COL5A2: variants seen among roughly 807,000 people sequenced by gnomAD.
The protein encoded by COL5A2 is collagen type V alpha 2 chain.
A neutral mutation model predicts 208.2 loss-of-function variants in COL5A2; 23 were observed. The ratio of observed to expected loss-of-function variants is 0.11; its 90% CI spans 0.08 to 0.16. COL5A2 has a LOEUF of 0.16. Ranked by LOEUF, COL5A2 falls within the 10% of genes least tolerant of loss-of-function variation. COL5A2 has a pLI of 1.00. For missense variants in COL5A2, 1,590 were observed against 1,956.4 expected, an observed-to-expected ratio of 0.81 and a Z score of 3.53; for synonymous variants, 625 against 628.5, an observed-to-expected ratio of 0.99 and a Z score of 0.08.
chr2:189,224,763 C>T (rs1215208168), intron 1 of COL5A2, among the ~76,000 whole-genome samples: 2 of 151,922 alleles, frequency 1.3e-5, no homozygotes, highest in African/African-American at 4.8e-5. Flanking sequence ...CTAAGCATGA[C>T]ATAAGTTTTT....
chr2:189,277,310 C>G, the COL5A2 span, among the ~76,000 whole-genome samples: 54 of 152,048 alleles, frequency 3.6e-4, 1 homozygote, highest in Admixed American at 1.5e-3. Flanking sequence ...TCAAAATGTT[C>G]TTAACATGAC....
the COL5A2 span, among the ~76,000 whole-genome samples, chr2:189,299,949 C>G: frequency 6.6e-6 from 1 of 152,124 alleles, no homozygotes; most frequent in Non-Finnish European, 1.5e-5. Flanking sequence ...TAAGGATGCC[C>G]TCTATGGCCT....
the COL5A2 span, among the ~76,000 whole-genome samples, chr2:189,387,076 A>G: frequency 2.6e-5 from 4 of 152,200 alleles, no homozygotes; most frequent in African/African-American, 9.6e-5. Context: ...GGTGCCCATC[A>G]ATGGTGGACT....
chr2:189,142,005 G>C (rs910618805), intron 1 of COL5A2, among the ~76,000 whole-genome samples: 3 of 152,032 alleles, frequency 2.0e-5, no homozygotes, highest in African/African-American at 7.2e-5. Flanking sequence ...CCTATGGTGA[G>C]AGATAATATA....
chr2:189,348,071 C>G, the COL5A2 span, among the ~76,000 whole-genome samples: 1 of 151,856 alleles, frequency 6.6e-6, no homozygotes, highest in East Asian at 1.9e-4. Flanking sequence ...GTCCAACAAC[C>G]AAAGGAGGGT....
intron 50 of COL5A2, 127 bp from the exon 51 acceptor site, chr2:189,039,690 G>A (rs1685518402): frequency 6.9e-6 from 6 of 873,512 alleles, no homozygotes; most frequent in South Asian, 3.5e-5. Flanking sequence ...TCTATGACTC[G>A]CGCCCTTTTG....
the COL5A2 span, among the ~76,000 whole-genome samples, chr2:189,316,214 G>A: frequency 6.6e-6 from 1 of 152,076 alleles, no homozygotes; most frequent in South Asian, 2.1e-4. Context: ...CAACCTTAAT[G>A]TCCATCAATG....
At chr2:189,204,477 T>C (rs1455370558) in intron 1 of COL5A2, among the ~76,000 whole-genome samples, 1 of 152,256 alleles carries the variant, frequency 6.6e-6, no homozygotes, top group Non-Finnish European at 1.5e-5. Flanking sequence ...GGAGTTCATG[T>C]GTGTCTACTT....
chr2:189,299,152 A>T, the COL5A2 span, among the ~76,000 whole-genome samples: 1 of 152,084 alleles, frequency 6.6e-6, no homozygotes, highest in Non-Finnish European at 1.5e-5. Flanking sequence ...TACAACTAAT[A>T]ATTGAATTTT....
At chr2:189,202,971 T>G (rs1289801321) in intron 1 of COL5A2, among the ~76,000 whole-genome samples, 2 of 152,116 alleles carry the variant, frequency 1.3e-5, no homozygotes, top group Non-Finnish European at 2.9e-5. Flanking sequence ...CCTCTAAGTA[T>G]TTTTTCCTAT....
chr2:189,397,585 A>G, the COL5A2 span, among the ~76,000 whole-genome samples: 2 of 149,692 alleles, frequency 1.3e-5, no homozygotes, highest in Non-Finnish European at 3.0e-5. Context: ...TTTCATCTAT[A>G]TTTTCAAATT....
the COL5A2 span, among the ~76,000 whole-genome samples, chr2:189,411,233 G>C: frequency 2.0e-5 from 3 of 152,026 alleles, no homozygotes; most frequent in Non-Finnish European, 4.4e-5. Context: ...CAGAAATATA[G>C]ATTGGCTCTT....
chr2:189,379,177 C>T, the COL5A2 span, among the ~76,000 whole-genome samples: 2 of 152,022 alleles, frequency 1.3e-5, no homozygotes, highest in African/African-American at 4.8e-5. Flanking sequence ...CCTTGAAGCC[C>T]ATCCATATGT....
At chr2:189,225,801 T>C (rs1689408247), upstream of COL5A2, among the ~76,000 whole-genome samples, 1 of 152,174 alleles carries the variant, frequency 6.6e-6, no homozygotes, top group South Asian at 2.1e-4. Context: ...GTGGTTGCCA[T>C]ACTGATTTGT....
At chr2:189,396,396 G>A in the COL5A2 span, among the ~76,000 whole-genome samples, 85,703 of 151,860 alleles carry the variant, frequency 0.56, 25,990 homozygotes, top group East Asian at 0.69. Context: ...TAAATGGGCC[G>A]GGTGCGGTGG....
intron 1 of COL5A2, among the ~76,000 whole-genome samples, chr2:189,119,264 A>C (rs1227401301): frequency 6.6e-6 from 1 of 152,054 alleles, no homozygotes; most frequent in Middle Eastern, 3.2e-3. Context: ...GGATGAAGAG[A>C]GGAAGGAGGG....
chr2:189,350,179 CAAGT>C, the COL5A2 span, among the ~76,000 whole-genome samples: 1 of 151,840 alleles, frequency 6.6e-6, no homozygotes, highest in Admixed American at 6.6e-5. Context: ...TACAAAGTGA[CAAGT>C]AAATCAACTG....
intron 47 of COL5A2, among the ~76,000 whole-genome samples, 164 bp downstream of exon 47, chr2:189,045,015 G>A (rs555302125): frequency 7.4e-4 from 112 of 151,710 alleles, no homozygotes; most frequent in Non-Finnish European, 9.9e-4. Context: ...AAATAAACTC[G>A]TATTACTTTA....
At chr2:189,311,000 G>C in the COL5A2 span, among the ~76,000 whole-genome samples, 267 of 152,152 alleles carry the variant, frequency 1.8e-3, 1 homozygote, top group African/African-American at 5.9e-3. Context: ...GGAGTGGCTG[G>C]CTGGAGTTCC....
Sources: allele counts gnomAD v4.1 joint callset (sites outside exome capture counted in the v4.1 genomes callset), GRCh38; gene constraint gnomAD v4.1.1; transcripts MANE v1.5; gene names NCBI Gene and HGNC (gene_info 2026-07-23, HGNC 2026-07-21).